Variants in GTPBP1 observed in about 807,000 individuals in gnomAD.
GTPBP1 encodes GTP-binding protein 1.
A neutral mutation model predicts 62.0 loss-of-function variants in GTPBP1; 23 were observed. The ratio of observed to expected loss-of-function variants is 0.37; its 90% confidence interval spans 0.27 to 0.53. GTPBP1 has a LOEUF of 0.53. Ranked by LOEUF, GTPBP1 falls within the 20% of genes least tolerant of loss-of-function variation. The pLI is 0.89. For synonymous variants in GTPBP1, 344 were observed against 364.4 expected, an observed-to-expected ratio of 0.94 and a Z score of 0.64; for missense variants, 640 against 917.3, an observed-to-expected ratio of 0.70 and a Z score of 3.90.
chr22:38,722,372 A>G (rs2092704914), intron 5 of GTPBP1, among the ~76,000 whole-genome samples: 12 of 152,254 alleles, frequency 7.9e-5, no homozygotes, highest in Admixed American at 7.9e-4. Flanking sequence ...AAAGACATTC[A>G]AGATGAAAAT....
chr22:38,713,671 C>T (rs140310300), intron 2 of GTPBP1, among the ~76,000 whole-genome samples: 1 of 152,280 alleles, frequency 6.6e-6, no homozygotes, highest in Non-Finnish European at 1.5e-5. Context: ...TCATGGCCTC[C>T]CCCAAGCTCT....
At chr22:38,708,493 G>C (rs2092619244) in intron 1 of GTPBP1, among the ~76,000 whole-genome samples, 1 of 152,220 alleles carries the variant, frequency 6.6e-6, no homozygotes, top group African/African-American at 2.4e-5. Flanking sequence ...GCAGGTAGAA[G>C]ACTTTGGCAT....
chr22:38,722,873 G>A, intron 5 of GTPBP1: 5 of 1,417,744 alleles, frequency 3.5e-6, no homozygotes, highest in Non-Finnish European at 5.0e-6. Flanking sequence ...TCACCAAGTG[G>A]AGGGTTTCTT....
At chr22:38,722,720 G>T in intron 5 of GTPBP1, 1 of 1,601,534 alleles carries the variant, frequency 6.2e-7, no homozygotes, top group Non-Finnish European at 8.5e-7. Context: ...GGGTGAGAAG[G>T]TGCAGATACA....
At chr22:38,719,875 T>A (rs1445783528) in intron 4 of GTPBP1, among the ~76,000 whole-genome samples, 2 of 152,058 alleles carry the variant, frequency 1.3e-5, no homozygotes, top group Admixed American at 6.6e-5. Context: ...CTGCTTTTTT[T>A]AAGCCATGAA....
chr22:38,726,704 G>A lies in GTPBP1; in HGVS notation c.1401+264G>A, dbSNP rs1323318271. On this transcript the variant is annotated intron_variant, in intron 8 of 11. Transcript: ENST00000216044. This position sits in a 1 kb window ranked among gnomAD's most constrained non-coding sequence, Gnocchi z 4.1. ...TGAGCAGGGTGGCCTGAGCTCAGTGGTGAGGTCAAATAGGAGTATCCCTGC... is the reference window on the plus strand; with the variant it reads ...TGAGCAGGGTGGCCTGAGCTCAGTGATGAGGTCAAATAGGAGTATCCCTGC... Among the ~76,000 whole-genome samples, 2 of 152,152 alleles carry A rather than the reference G, an allele frequency of 1.3e-5. No individual in the cohort carries two copies. Among genetic ancestry groups the A allele is most frequent in the Non-Finnish European group, 2.9e-5 (2 of 68,018 alleles).
At chr22:38,723,925 C>G (rs961982309) in intron 5 of GTPBP1, among the ~76,000 whole-genome samples, 8 of 152,068 alleles carry the variant, frequency 5.3e-5, no homozygotes, top group Non-Finnish European at 1.0e-4. Flanking sequence ...CTAAGAGATC[C>G]TTTTTGTTGG....
downstream of GTPBP1, chr22:38,739,063 C>T (rs1324134299): frequency 1.3e-5 from 18 of 1,425,728 alleles, no homozygotes; most frequent in Non-Finnish European, 1.6e-5. The surrounding 1 kb of genome is among the most constrained non-coding windows in gnomAD (Gnocchi z 6.7). Flanking sequence ...GCTGTCTCCT[C>T]GCTGAAGGTG....
rs961740390 is a variant in GTPBP1, at chr22:38,726,519, C to G, written c.1401+79C>G. The G allele has an allele frequency of 1.3e-5, 16 of 1,226,462 alleles. No individual in the cohort carries two copies. The highest frequency in any genetic ancestry group is 1.5e-5 in the Non-Finnish European group (13 of 845,312). 76.0% of individuals were successfully genotyped at this position (1,226,462 alleles called of 1,614,324 possible). On this transcript the variant is annotated intron_variant, in intron 8 of 11. Transcript: ENST00000216044. This position sits in a 1 kb window ranked among gnomAD's most constrained non-coding sequence, Gnocchi z 4.1. Reference sequence around the variant, plus strand: ...TGGCCAGATGCCCTGCTCACCCACTCTAGTCCTCATGGCTGCTCTGCAAGG... The same window carrying G: ...TGGCCAGATGCCCTGCTCACCCACTGTAGTCCTCATGGCTGCTCTGCAAGG...
chr22:38,727,295 A>C lies in GTPBP1; in HGVS notation c.1484A>C (p.Glu495Ala). 3.1e-6 allele frequency: 5 copies of C among 1,600,862 alleles called. No homozygotes were observed. The highest frequency in any genetic ancestry group is 4.3e-6 in the Non-Finnish European group (5 of 1,173,504). ...NPQASWEFEA[E>A]ILVLHHPTTI... The stretch of plus-strand genomic sequence containing the variant: ...CAAGCCTCCTGGGAGTTTGAGGCCG[A>C]GATTCTCGTCCTCCACCACCCCACC... The change falls in exon 9 of 12, where the codon GAG becomes GCG. Residue 495 changes from glutamate to alanine, a missense_variant. Physicochemically the swap from Glu to Ala is moderately radical, Grantham distance 107. This residue lies in a region of GTPBP1 where 220 missense variants were observed against 358.1 expected (regional missense o/e 0.61). Transcript: ENST00000216044. This position sits in a 1 kb window ranked among gnomAD's most constrained non-coding sequence, Gnocchi z 6.5.
downstream of GTPBP1, chr22:38,734,128 CTTTCTGCCT>C (rs907217731): frequency 1.6e-5 from 5 of 308,778 alleles, no homozygotes; most frequent in Non-Finnish European, 2.5e-5. Flanking sequence ...TACTGACTGG[CTTTCTGCCT>C]TTGTTTTCTC....
chr22:38,738,443 T>C, downstream of GTPBP1: 2 of 1,206,194 alleles, frequency 1.7e-6, no homozygotes, highest in Non-Finnish European at 2.4e-6. This position sits in a 1 kb window ranked among gnomAD's most constrained non-coding sequence, Gnocchi z 6.6. Context: ...GGGACTGAAG[T>C]GCTGTCTCCC....
At position 38,729,653 on chromosome 22, in the gene GTPBP1, C is replaced by G. The variant is rs753587271; in HGVS notation, c.1908C>G (p.Leu636=). 1.3e-6 allele frequency: 2 copies of G among 1,499,850 alleles called. No individual in the cohort carries two copies. The allele number at this position is 1,499,850 out of a possible 1,614,324, so 92.9% of individuals were successfully genotyped here. A position where few individuals can be genotyped will look rare whatever the true frequency, so the allele number is the denominator to read the frequency against. The change falls in exon 11 of 12, where the codon CTC becomes CTG. Residue 636 remains leucine, a synonymous_variant. Coordinates refer to ENST00000216044, the MANE Select transcript of GTPBP1 (RefSeq NM_004286.5). Reference sequence around the variant, plus strand: ...GGCAACCAGCTGCGTCCAGCAATCTCCAGCCTCAGGTGAGCACGGGCCCCT... The same window carrying G: ...GGCAACCAGCTGCGTCCAGCAATCTGCAGCCTCAGGTGAGCACGGGCCCCT... The part of the protein sequence containing the change: ...GAGQPAASSN[L]QPQPKPSSGG...
rs141787823 is a variant in GTPBP1 at position 38,729,629 on chromosome 22, G to A, written c.1884G>A (p.Gly628=). ...PGDEASSVGA[G]QPAASSNLQP... ...ATGAAGCCTCCTCTGTAGGGGCAGG[G>A]CAACCAGCTGCGTCCAGCAATCTCC... Residue 628 remains glycine (G), a synonymous_variant, in exon 11 of 12, where the codon GGG becomes GGA. Coordinates refer to ENST00000216044, the MANE Select transcript of GTPBP1 (RefSeq NM_004286.5). The A allele has an allele frequency of 1.3e-6, 2 of 1,518,120 alleles. No homozygotes were observed. Among genetic ancestry groups the A allele is most frequent in the Admixed American group, 2.2e-5 (1 of 45,344 alleles). The allele number at this position is 1,518,120 out of a possible 1,614,324, so 94.0% of individuals were successfully genotyped here. A position where few individuals can be genotyped will look rare whatever the true frequency, so the allele number is the denominator to read the frequency against.
rs1284859666 is a variant in GTPBP1 at position 38,727,925 on chromosome 22, G to A, written c.1538-58G>A. 1.7e-5 allele frequency: 21 copies of A among 1,261,728 alleles called. 1 individual carries two copies. The highest frequency in any genetic ancestry group is 1.6e-4 in the South Asian group (13 of 83,104). 78.2% of individuals were successfully genotyped at this position (1,261,728 alleles called of 1,614,324 possible). A position where few individuals can be genotyped will look rare whatever the true frequency, so the allele number is the denominator to read the frequency against. On this transcript the variant is annotated intron_variant, in intron 9 of 11. Transcript: ENST00000216044. The surrounding 1 kb of genome is among the most constrained non-coding windows in gnomAD (Gnocchi z 6.5). Reference sequence around the variant, plus strand: ...TTCATGCTTTCACTCACTGCCTCCCGTTGTCCTGAAGCCACCAGGTGGCTC... The same window carrying A: ...TTCATGCTTTCACTCACTGCCTCCCATTGTCCTGAAGCCACCAGGTGGCTC...
In GTPBP1 at chr22:38,716,699, G is replaced by A; in HGVS notation, c.533G>A (p.Gly178Glu). 2 of 1,614,156 alleles carry A rather than the reference G, an allele frequency of 1.2e-6. No individual in the cohort carries two copies. Among genetic ancestry groups the A allele is most frequent in the Non-Finnish European group, 1.7e-6 (2 of 1,180,016 alleles). ...NVDAGKSTLL[G>E]VLTHGELDNG... ...GATGCTGGCAAAAGCACGCTTCTGGGGGTCCTGACACATGGGGAGCTGGAC... is the reference window on the plus strand; with the variant it reads ...GATGCTGGCAAAAGCACGCTTCTGGAGGTCCTGACACATGGGGAGCTGGAC... Residue 178 changes from glycine (G) to glutamate (E), a missense_variant, in exon 4 of 12, where the codon GGG becomes GAG. Around this residue, in one of 4 missense-constraint regions of GTPBP1, gnomAD observed 88 missense variants for 217.0 expected, o/e 0.41. Transcript: ENST00000216044. The surrounding 1 kb of genome is among the most constrained non-coding windows in gnomAD (Gnocchi z 5.2).
chr22:38,734,709 C>G (rs2092785774), downstream of GTPBP1: 1 of 173,672 alleles, frequency 5.8e-6, no homozygotes, highest in Non-Finnish European at 1.3e-5. Context: ...TAGGCAAAAG[C>G]CACATGAAAG....
downstream of GTPBP1, chr22:38,736,317 CG>C (rs1569292523): frequency 6.2e-7 from 1 of 1,614,026 alleles, no homozygotes; most frequent in Non-Finnish European, 8.5e-7. Context: ...CAGGTGTACT[CG>C]GGGTGGCCCC....
intron 2 of GTPBP1, among the ~76,000 whole-genome samples, chr22:38,712,852 T>C (rs1166952135): frequency 6.6e-6 from 1 of 152,202 alleles, no homozygotes; most frequent in Non-Finnish European, 1.5e-5. Flanking sequence ...CTTTCACAGC[T>C]CACTTTGCCG....
Sources: allele counts gnomAD v4.1 joint callset (sites outside exome capture counted in the v4.1 genomes callset), GRCh38; gene constraint gnomAD v4.1.1; regional missense constraint gnomAD v4.1.1; non-coding constraint Gnocchi (gnomAD v3.1); transcripts MANE v1.5; gene names NCBI Gene and HGNC (gene_info 2026-07-23, HGNC 2026-07-21).